TRIM11: variants seen among roughly 807,000 people sequenced by gnomAD.
TRIM11 encodes the protein tripartite motif containing 11.
A neutral mutation model predicts 33.4 loss-of-function variants in TRIM11; 15 were observed. That is an observed-to-expected ratio of 0.45 (90% CI 0.30 to 0.69). TRIM11 has a LOEUF of 0.69. TRIM11 is among the 30% of genes least tolerant of loss of function. The probability of loss-of-function intolerance (pLI) is 0.08; values close to 1 mark genes in which losing one functional copy is unlikely to be tolerated. For missense variants in TRIM11, 499 were observed against 667.6 expected, an observed-to-expected ratio of 0.75 and a Z score of 2.78; for synonymous variants, 281 against 302.6, an observed-to-expected ratio of 0.93 and a Z score of 0.74.
At position 228,406,375 on chromosome 1, in the gene TRIM11, T is replaced by G; in HGVS notation, c.187A>C (p.Arg63=). 6.6e-7 allele frequency: 1 copy of G among 1,524,642 alleles called. No homozygotes were observed. The highest frequency in any genetic ancestry group is 1.4e-5 in the African/African-American group (1 of 69,908). The allele number at this position is 1,524,642 out of a possible 1,614,324, so 94.4% of individuals were successfully genotyped here. The change falls in exon 1 of 6, where the codon AGG becomes CGG. Residue 63 remains arginine (R), a synonymous_variant. Transcript: ENST00000284551. The surrounding 1 kb of genome is among the most constrained non-coding windows in gnomAD (Gnocchi z 8.2). ...AGCGGGCGGTTGGGCCGCAGGTTCCTCTGCGGGGACAGCTCGCGGCACTCG... is the reference window on the plus strand; with the variant it reads ...AGCGGGCGGTTGGGCCGCAGGTTCCGCTGCGGGGACAGCTCGCGGCACTCG... ...CPECRELSPQ[R]NLRPNRPLAK... is the part of the protein sequence containing the mutation.
intron 5 of TRIM11, 62 bp downstream of exon 5, chr1:228,396,885 G>T: frequency 6.6e-7 from 1 of 1,514,128 alleles, no homozygotes; most frequent in Non-Finnish European, 9.2e-7. Context: ...GTGGCTGGCT[G>T]CCCAGGTCCT....
At position 228,394,544 on chromosome 1, in the gene TRIM11, G is replaced by T. The variant is rs1182825379; in HGVS notation, c.*161C>A. On this transcript the variant is annotated 3_prime_UTR_variant, in exon 6 of 6. Transcript: ENST00000284551. This position sits in a 1 kb window ranked among gnomAD's most constrained non-coding sequence, Gnocchi z 6.2. ...ACACTCTCCCACAGTTTCCTGGAGTGCTAGAATTGGGGTTCTCCCACGCAG... is the reference window on the plus strand; with the variant it reads ...ACACTCTCCCACAGTTTCCTGGAGTTCTAGAATTGGGGTTCTCCCACGCAG... The T allele has an allele frequency of 1.3e-6, 1 of 790,860 alleles. No individual in the cohort carries two copies. The highest frequency in any genetic ancestry group is 1.9e-6 in the Non-Finnish European group (1 of 515,572). 49.0% of individuals were successfully genotyped at this position (790,860 alleles called of 1,614,324 possible). A position where few individuals can be genotyped will look rare whatever the true frequency, so the allele number is the denominator to read the frequency against.
Position 228,398,097 on chromosome 1 carries a change from C to T in TRIM11, c.736-932G>A, listed in dbSNP as rs149983141. ...TTGGAACATCAGCTCTTAGGAGACA[C>T]GGTCTTGTATCTCTTAGAGCAGTCT... On this transcript the variant is annotated intron_variant, in intron 3 of 5. Coordinates refer to ENST00000284551, the MANE Select transcript of TRIM11 (RefSeq NM_145214.3). 4.8e-3 allele frequency among the ~76,000 whole-genome samples: 725 copies of T among 152,280 alleles called. 5 individuals are homozygous for T. Among genetic ancestry groups the T allele is most frequent in the African/African-American group, 0.017 (690 of 41,542 alleles).
chr1:228,397,404 C>G lies in TRIM11; in HGVS notation c.736-239G>C. The G allele has an allele frequency of 7.3e-6, 4 of 548,716 alleles. No homozygotes were observed. The Admixed American group carries it at 1.3e-4, about 18-fold the overall frequency. The allele number at this position is 548,716 out of a possible 1,614,324, so 34.0% of individuals were successfully genotyped here. A position where few individuals can be genotyped will look rare whatever the true frequency, so the allele number is the denominator to read the frequency against. On this transcript the variant is annotated intron_variant, in intron 3 of 5. Coordinates refer to ENST00000284551, the MANE Select transcript of TRIM11 (RefSeq NM_145214.3). ...ACCAATGGGGTGCAGCCCAGCCCTG[C>G]GGACCAAGGCCCACTTCTGCCTGAC...
At position 228,406,080 on chromosome 1, in the gene TRIM11, A is replaced by AACGACC; in HGVS notation, c.408+73_408+74insGGTCGT. ...GATTACTCCCGGAGCAGTCCCCCAA[A>AACGACC]CCTCCCACCCGCCCAGGCCTCCCCA... On this transcript the variant is annotated intron_variant, in intron 1 of 5. Coordinates refer to ENST00000284551, the MANE Select transcript of TRIM11 (RefSeq NM_145214.3). The surrounding 1 kb of genome is among the most constrained non-coding windows in gnomAD (Gnocchi z 8.2). The AACGACC allele has an allele frequency of 7.8e-7, 1 of 1,278,038 alleles. No homozygotes were observed. The highest frequency in any genetic ancestry group is 1.0e-6 in the Non-Finnish European group (1 of 998,946). 79.2% of individuals were successfully genotyped at this position (1,278,038 alleles called of 1,614,324 possible).
Position 228,401,282 on chromosome 1 carries a change from G to C in TRIM11, c.505-88C>G, listed in dbSNP as rs1013775373. ...TGGTCAGACCCCAAGCCCACCCAGA[G>C]GCCTGGCTGCACCCAACCCCACCCC... is the stretch of plus-strand genomic sequence containing the variant. On this transcript the variant is annotated intron_variant, in intron 2 of 5. Coordinates refer to ENST00000284551, the MANE Select transcript of TRIM11 (RefSeq NM_145214.3). The surrounding 1 kb of genome is among the most constrained non-coding windows in gnomAD (Gnocchi z 6.1). 3 of 1,481,448 alleles carry C rather than the reference G, an allele frequency of 2.0e-6. No individual in the cohort carries two copies. Among genetic ancestry groups the C allele is most frequent in the Non-Finnish European group, 2.7e-6 (3 of 1,103,918 alleles). 91.8% of individuals were successfully genotyped at this position (1,481,448 alleles called of 1,614,324 possible). A position where few individuals can be genotyped will look rare whatever the true frequency, so the allele number is the denominator to read the frequency against.
In TRIM11 at chr1:228,406,539, G is replaced by A; in HGVS notation, c.23C>T (p.Thr8Ile). The change falls in exon 1 of 6, where the codon ACC (threonine) becomes ATC (isoleucine). Residue 8 changes from threonine to isoleucine, a missense_variant. Physicochemically the swap from Thr to Ile is moderately conservative, Grantham distance 89. Coordinates refer to ENST00000284551, the MANE Select transcript of TRIM11 (RefSeq NM_145214.3). The surrounding 1 kb of genome is among the most constrained non-coding windows in gnomAD (Gnocchi z 8.2). ...GCAGGTGGCCTCCTCCTGGAGGTTG[G>A]TGGACAGGTCGGGGGCGGCCATGGC... is the stretch of plus-strand genomic sequence containing the variant. MAAPDLSTNLQEEATCAI... is the reference protein window; with the variant it reads MAAPDLSINLQEEATCAI... 1 of 1,563,592 alleles carries A rather than the reference G, an allele frequency of 6.4e-7. No homozygotes were observed. The highest frequency in any genetic ancestry group is 8.7e-7 in the Non-Finnish European group (1 of 1,154,142).
At chr1:228,405,724 A>G in intron 1 of TRIM11, 1 of 164,570 alleles carries the variant, frequency 6.1e-6, no homozygotes, top group Non-Finnish European at 1.3e-5. Flanking sequence ...CTGCTAACAC[A>G]GTCCCTGCAG....
At position 228,395,256 on chromosome 1, in the gene TRIM11, CAGAG is replaced by C. The variant is rs769691934; in HGVS notation, c.860-8_860-5del. 5 of 1,450,936 alleles carry C rather than the reference CAGAG, an allele frequency of 3.4e-6. No homozygotes were observed. The highest frequency in any genetic ancestry group is 3.6e-6 in the Non-Finnish European group (4 of 1,106,520). The allele number at this position is 1,450,936 out of a possible 1,614,324, so 89.9% of individuals were successfully genotyped here. A position where few individuals can be genotyped will look rare whatever the true frequency, so the allele number is the denominator to read the frequency against. On this transcript the variant is annotated splice_polypyrimidine_tract_variant and splice_region_variant and intron_variant, in intron 5 of 5. Transcript: ENST00000284551. This position sits in a 1 kb window ranked among gnomAD's most constrained non-coding sequence, Gnocchi z 4.8. ...TCCGGGTCCAAGGTCACGTCCCCTG[CAGAG>C]AGAGGCCCAAGGTCACCCAGGCACA...
Position 228,406,393 on chromosome 1 carries a change from GGC to G in TRIM11, c.167_168del (p.Cys56SerfsTer17). 6.4e-7 allele frequency: 1 copy of G among 1,550,800 alleles called. No homozygotes were observed. The highest frequency in any genetic ancestry group is 8.7e-7 in the Non-Finnish European group (1 of 1,153,934). ...QPEGPYACPECRELSPQRNLR... is the reference protein window; with the variant it reads ...QPEGPYACPEXRELSPQRNLR... ...AGGTTCCTCTGCGGGGACAGCTCGC[GGC>G]ACTCGGGGCACGCGTACGGGCCCTC... is the stretch of plus-strand genomic sequence containing the variant. On this transcript the variant is annotated frameshift_variant, in exon 1 of 6. Transcript: ENST00000284551. LOFTEE classifies it high-confidence loss of function. This position sits in a 1 kb window ranked among gnomAD's most constrained non-coding sequence, Gnocchi z 8.2.
intron 3 of TRIM11, 147 bp from the exon 4 acceptor site, chr1:228,397,312 C>T (rs2149090861): frequency 3.5e-6 from 3 of 859,234 alleles, no homozygotes; most frequent in Non-Finnish European, 5.4e-6. Context: ...GGCCATAAAC[C>T]ACCCGCAGCA....
At position 228,406,160 on chromosome 1, in the gene TRIM11, G is replaced by T. The variant is rs972383678; in HGVS notation, c.402C>A (p.Asp134Glu). ...RVRPLQDAAEDLKAKLEKSLE... is the reference protein window; with the variant it reads ...RVRPLQDAAEELKAKLEKSLE... The stretch of plus-strand genomic sequence containing the variant: ...CACCCCCGCCCAGGAGCACCTTGAG[G>T]TCTTCGGCCGCGTCCTGCAGCGGCC... Residue 134 changes from aspartate to glutamate, a missense_variant, in exon 1 of 6, where the codon GAC becomes GAA. Coordinates refer to ENST00000284551, the MANE Select transcript of TRIM11 (RefSeq NM_145214.3). The surrounding 1 kb of genome is among the most constrained non-coding windows in gnomAD (Gnocchi z 8.2). The T allele has an allele frequency of 7.1e-7, 1 of 1,403,738 alleles. No individual in the cohort carries two copies. The highest frequency in any genetic ancestry group is 9.2e-7 in the Non-Finnish European group (1 of 1,086,972). 87.0% of individuals were successfully genotyped at this position (1,403,738 alleles called of 1,614,324 possible).
chr1:228,406,577 G>C lies in TRIM11; in HGVS notation c.-16C>G, dbSNP rs1439468011. 7 of 1,494,202 alleles carry C rather than the reference G, an allele frequency of 4.7e-6. No individual in the cohort carries two copies. Among genetic ancestry groups the C allele is most frequent in the African/African-American group, 1.4e-5 (1 of 69,544 alleles). The allele number at this position is 1,494,202 out of a possible 1,614,324, so 92.6% of individuals were successfully genotyped here. On this transcript the variant is annotated 5_prime_UTR_variant, in exon 1 of 6. Coordinates refer to ENST00000284551, the MANE Select transcript of TRIM11 (RefSeq NM_145214.3). This position sits in a 1 kb window ranked among gnomAD's most constrained non-coding sequence, Gnocchi z 8.2. ...GGGCGGCCATGGCGCGGACAGAGGG[G>C]AGGAAGGCGGTACTGTCCGCGGGGC...
Position 228,397,460 on chromosome 1 carries a change from C to T in TRIM11, c.736-295G>A, listed in dbSNP as rs539755562. ...GATGTAGGGCATCTGGCTGTTGGCT[C>T]ACTCACCCAGAGCCCCAAGTGGGCG... On this transcript the variant is annotated intron_variant, in intron 3 of 5. Coordinates refer to ENST00000284551, the MANE Select transcript of TRIM11 (RefSeq NM_145214.3). The T allele has an allele frequency of 3.4e-4, 153 of 451,386 alleles. 1 individual carries two copies. The highest frequency in any genetic ancestry group is 2.6e-3 in the African/African-American group (134 of 50,910). The allele number at this position is 451,386 out of a possible 1,614,324, so 28.0% of individuals were successfully genotyped here. A position where few individuals can be genotyped will look rare whatever the true frequency, so the allele number is the denominator to read the frequency against.
At chr1:228,397,307 T>C in intron 3 of TRIM11, 142 bp from the exon 4 acceptor site, 1 of 906,042 alleles carries the variant, frequency 1.1e-6, no homozygotes, top group Non-Finnish European at 1.7e-6. Flanking sequence ...CAGGGGGCCA[T>C]AAACCACCCG....
chr1:228,399,323 TG>T (rs949503426), intron 3 of TRIM11, among the ~76,000 whole-genome samples: 5 of 152,104 alleles, frequency 3.3e-5, no homozygotes, highest in African/African-American at 1.2e-4. Context: ...GCTGGCAGGT[TG>T]GGGGGACAGG....
At chr1:228,404,919 T>G (rs1656348536) in intron 1 of TRIM11, 1 of 152,252 alleles carries the variant, frequency 6.6e-6, no homozygotes, top group African/African-American at 2.4e-5. Flanking sequence ...TTTTTTCCTG[T>G]TAATTTGTCT....
In TRIM11 at chr1:228,400,918, A is replaced by C; in HGVS notation, c.735+46T>G. ...TGGTTCTCCCTCCCCCAGTGTGGCC[A>C]GGCCATGCCCGTGTGGCCACCATGG... is the stretch of plus-strand genomic sequence containing the variant. On this transcript the variant is annotated intron_variant, in intron 3 of 5. Transcript: ENST00000284551. The surrounding 1 kb of genome is among the most constrained non-coding windows in gnomAD (Gnocchi z 4.5). 2.0e-6 allele frequency: 3 copies of C among 1,475,218 alleles called. No individual in the cohort carries two copies. The highest frequency in any genetic ancestry group is 2.7e-6 in the Non-Finnish European group (3 of 1,115,762). 91.4% of individuals were successfully genotyped at this position (1,475,218 alleles called of 1,614,324 possible). A position where few individuals can be genotyped will look rare whatever the true frequency, so the allele number is the denominator to read the frequency against.
At chr1:228,397,421 C>T (rs550797372) in intron 3 of TRIM11, 15 of 529,208 alleles carry the variant, frequency 2.8e-5, no homozygotes, top group African/African-American at 2.7e-4. Flanking sequence ...AGGCCCACTT[C>T]TGCCTGACAC....
Sources: allele counts gnomAD v4.1 joint callset (sites outside exome capture counted in the v4.1 genomes callset), GRCh38; gene constraint gnomAD v4.1.1; non-coding constraint Gnocchi (gnomAD v3.1); transcripts MANE v1.5; gene names NCBI Gene and HGNC (gene_info 2026-07-23, HGNC 2026-07-21).